DDX47: variants seen among roughly 807,000 people sequenced by gnomAD.
DDX47 encodes the protein probable ATP-dependent RNA helicase DDX47.
Under a neutral mutation model 58.8 loss-of-function variants are expected in DDX47, and 60 were observed. The ratio of observed to expected loss-of-function variants is 1.02; its 90% confidence interval spans 0.83 to 1.26. DDX47 has a LOEUF of 1.26. DDX47 is among the 50% of genes most tolerant of loss of function. DDX47 has a pLI of 0.00. For missense variants in DDX47, 530 were observed against 573.2 expected (o/e 0.92, Z 0.77); for synonymous variants, 197 against 204.6 (o/e 0.96, Z 0.32).
chr12:12,827,615 C>T (rs534162370), intron 11 of DDX47, among the ~76,000 whole-genome samples: 3 of 152,288 alleles, frequency 2.0e-5, no homozygotes, highest in Admixed American at 6.5e-5. Context: ...GTTCATGTGT[C>T]GCACGTGGTG....
chr12:12,827,119 G>GGGTTAGA, intron 10 of DDX47, 127 bp from the exon 11 acceptor site: 4 of 1,226,400 alleles, frequency 3.3e-6, no homozygotes, highest in Non-Finnish European at 4.5e-6. Flanking sequence ...ATTTAGAAAA[G>GGGTTAGA]AAATAATATG....
chr12:12,820,662 C>T (rs146918157), intron 2 of DDX47: 4,597 of 155,490 alleles, frequency 0.03, 222 homozygotes, highest in African/African-American at 0.1. Context: ...CCACCATGCC[C>T]GCCTAATTTT....
At chr12:12,821,761 T>C (rs370792014) in intron 4 of DDX47, 35 bp downstream of exon 4, 67 of 1,514,652 alleles carry the variant, frequency 4.4e-5, no homozygotes, top group Non-Finnish European at 6.0e-5. Flanking sequence ...ACACTGGCAG[T>C]GATGAATTGG....
chr12:12,823,472 G>T (rs1565447610), intron 7 of DDX47, 153 bp downstream of exon 7: 17 of 619,268 alleles, frequency 2.7e-5, no homozygotes, highest in South Asian at 2.7e-4. Flanking sequence ...TATTATCACC[G>T]ATAAGCCAGA....
intron 2 of DDX47, 169 bp downstream of exon 2, chr12:12,814,393 C>CT: frequency 1.8e-6 from 1 of 570,128 alleles, no homozygotes; most frequent in Non-Finnish European, 3.2e-6. Flanking sequence ...ACTGAGCTTA[C>CT]TTTCTGTCTT....
intron 3 of DDX47, 73 bp from the exon 4 acceptor site, chr12:12,821,582 G>A (rs1214353183): frequency 6.7e-7 from 1 of 1,494,976 alleles, no homozygotes; most frequent in Non-Finnish European, 9.3e-7. Context: ...ATCTGGCATT[G>A]GCTTTAAAAG....
intron 8 of DDX47, 76 bp downstream of exon 8, chr12:12,824,092 A>G (rs1863014809): frequency 2.0e-6 from 3 of 1,517,780 alleles, no homozygotes; most frequent in Non-Finnish European, 2.7e-6. Flanking sequence ...AGGTTTGTAC[A>G]ATAAGGCCAT....
intron 2 of DDX47, among the ~76,000 whole-genome samples, chr12:12,818,534 T>C (rs962520384): frequency 2.6e-4 from 39 of 150,268 alleles, no homozygotes; most frequent in African/African-American, 9.4e-4. Flanking sequence ...AAAAAAAAAA[T>C]CAGTCCCATT....
At chr12:12,824,830 T>A in intron 9 of DDX47, 153 bp downstream of exon 9, 1 of 719,138 alleles carries the variant, frequency 1.4e-6, no homozygotes, top group Non-Finnish European at 2.3e-6. Flanking sequence ...TCACATCATC[T>A]TGCACAGGCC....
At chr12:12,824,124 A>G (rs922539063) in intron 8 of DDX47, 108 bp downstream of exon 8, 7 of 1,345,168 alleles carry the variant, frequency 5.2e-6, no homozygotes, top group African/African-American at 1.5e-5. Flanking sequence ...GCCTGTTTCC[A>G]TAATTGTTGT....
intron 1 of DDX47, 146 bp downstream of exon 1, chr12:12,813,600 T>C: frequency 1.3e-6 from 1 of 764,646 alleles, no homozygotes; most frequent in Non-Finnish European, 2.1e-6. Context: ...AGGGCTGGGT[T>C]TCGGACGTGC....
intron 11 of DDX47, 22 bp downstream of exon 11, chr12:12,827,397 C>T: frequency 6.2e-7 from 1 of 1,613,130 alleles, no homozygotes; most frequent in Non-Finnish European, 8.5e-7. Flanking sequence ...TCTTTTCTCA[C>T]CAGTGTCTGT....
At chr12:12,824,878 A>C (rs2136424757) in intron 9 of DDX47, 1 of 485,838 alleles carries the variant, frequency 2.1e-6, no homozygotes, top group East Asian at 3.4e-5. Flanking sequence ...AGAGGTAGCC[A>C]AGGAGAGTTA....
At chr12:12,821,842 T>A in intron 4 of DDX47, 116 bp downstream of exon 4, 1 of 1,204,010 alleles carries the variant, frequency 8.3e-7, no homozygotes, top group Non-Finnish European at 1.2e-6. Context: ...ATTTTTTAAT[T>A]TCTTAAGTTA....
chr12:12,824,366 T>C, intron 8 of DDX47, 174 bp from the exon 9 acceptor site: 1 of 632,532 alleles, frequency 1.6e-6, no homozygotes, highest in Non-Finnish European at 2.6e-6. Flanking sequence ...TATATATTTT[T>C]TTAATTTTTT....
intron 11 of DDX47, among the ~76,000 whole-genome samples, chr12:12,827,700 C>T (rs1863073235): frequency 6.6e-6 from 1 of 152,054 alleles, no homozygotes; most frequent in African/African-American, 2.4e-5. Context: ...CCTGATTTCT[C>T]AGAATCAGAA....
intron 2 of DDX47, 143 bp from the exon 3 acceptor site, chr12:12,821,065 T>C (rs1862961955): frequency 2.5e-5 from 20 of 807,214 alleles, no homozygotes; most frequent in Non-Finnish European, 2.9e-5. Context: ...GGCCATGTCT[T>C]TTCTGTTTAT....
rs746797541 is a variant in DDX47 at position 12,823,276 on chromosome 12, A to G, written c.707A>G (p.Glu236Gly). Residue 236 changes from glutamate (E) to glycine (G), a missense_variant, in exon 7 of 12, where the codon GAA becomes GGA. By Grantham distance (98) the Glu-to-Gly change is moderately conservative. Coordinates refer to ENST00000358007, the MANE Select transcript of DDX47 (RefSeq NM_016355.4). ...CAVSSKYQTV[E>G]KLQQYYIFIP... ...GTTTCCTCTAAATACCAGACAGTTGAAAAATTACAGCAATATTATATTTTT... is the reference window on the plus strand; with the variant it reads ...GTTTCCTCTAAATACCAGACAGTTGGAAAATTACAGCAATATTATATTTTT... 12 of 1,611,260 alleles carry G rather than the reference A, an allele frequency of 7.4e-6. No individual in the cohort carries two copies. The highest frequency in any genetic ancestry group is 6.7e-5 in the East Asian group (3 of 44,892).
chr12:12,813,447 AAGACCTGGTGAGAATGGATG>A lies in DDX47; in HGVS notation c.82_87+14del, dbSNP rs751771561. 7 of 1,609,852 alleles carry A rather than the reference AAGACCTGGTGAGAATGGATG, an allele frequency of 4.3e-6. No homozygotes were observed. The highest frequency in any genetic ancestry group is 5.9e-6 in the Non-Finnish European group (7 of 1,178,060). On this transcript the variant is annotated splice_donor_variant and splice_donor_5th_base_variant and coding_sequence_variant and intron_variant, in exon 1 of 12. Coordinates refer to ENST00000358007, the MANE Select transcript of DDX47 (RefSeq NM_016355.4). LOFTEE classifies it high-confidence loss of function. ...GAAGAGGAGGAAACTAAAACATTTAAAGACCTGGTGAGAATGGATGACGCTGGCTTCTTTTATGTACTCTG... is the reference window on the plus strand; with the variant it reads ...GAAGAGGAGGAAACTAAAACATTTAAACGCTGGCTTCTTTTATGTACTCTG...
Sources: gnomAD v4.1 joint callset for allele counts (sites outside exome capture counted in the v4.1 genomes callset) on GRCh38, gnomAD v4.1.1 for gene constraint, MANE v1.5 for transcripts, NCBI Gene and HGNC (gene_info 2026-07-23, HGNC 2026-07-21) for gene names.